NR3C2: variants seen among roughly 807,000 people sequenced by gnomAD.
NR3C2 encodes nuclear receptor subfamily 3 group C member 2, also known as mineralocorticoid receptor.
A neutral mutation model predicts 86.4 loss-of-function variants in NR3C2; 15 were observed. The observed-to-expected ratio is 0.17, with a 90% CI of 0.12 to 0.27. The LOEUF is 0.27. NR3C2 is among the 10% of genes least tolerant of loss of function. The pLI is 1.00. For missense variants in NR3C2, 960 were observed against 1,195.6 expected (o/e 0.80, Z 2.91); for synonymous variants, 458 against 450.5 (o/e 1.02, Z -0.21).
At chr4:148,425,719 A>G (rs1749496897) in intron 2 of NR3C2, among the ~76,000 whole-genome samples, 1 of 152,192 alleles carries the variant, frequency 6.6e-6, no homozygotes, top group Non-Finnish European at 1.5e-5. Context: ...GCTTTAAACT[A>G]TCAGCCACAT....
rs527997554 is a variant in NR3C2, at chr4:148,230,482, C to A, written c.1897+29496G>T. ...TAAGTGCTGGGATTACAGGCGTGAG[C>A]CACCACACGTGGCAAGAACCAAGAT... On this transcript the variant is annotated intron_variant, in intron 3 of 8. Coordinates refer to ENST00000358102, the MANE Select transcript of NR3C2 (RefSeq NM_000901.5). Among the ~76,000 whole-genome samples the A allele has an allele frequency of 3.9e-5, 6 of 152,202 alleles. No homozygotes were observed. The East Asian group carries it at 1.2e-3, about 29-fold the overall frequency.
intron 3 of NR3C2, among the ~76,000 whole-genome samples, chr4:148,242,044 A>G (rs1404103122): frequency 6.6e-6 from 1 of 152,080 alleles, no homozygotes; most frequent in Non-Finnish European, 1.5e-5. Flanking sequence ...GGCTGGGGGG[A>G]AGAGGAATTA....
intron 2 of NR3C2, among the ~76,000 whole-genome samples, chr4:148,336,861 G>T (rs115790482): frequency 0.015 from 2,301 of 152,082 alleles, 53 homozygotes; most frequent in African/African-American, 0.053. Flanking sequence ...GCATGATCAC[G>T]GCTCACTGTA....
chr4:148,100,015 G>T (rs933313358), intron 8 of NR3C2, among the ~76,000 whole-genome samples: 3 of 152,184 alleles, frequency 2.0e-5, no homozygotes, highest in African/African-American at 7.2e-5. Flanking sequence ...TGTTCTTACA[G>T]AAAATTACTT....
At chr4:148,335,986 G>T (rs1164919601) in intron 2 of NR3C2, among the ~76,000 whole-genome samples, 1 of 152,150 alleles carries the variant, frequency 6.6e-6, no homozygotes, top group East Asian at 1.9e-4. Context: ...AATAACGTAT[G>T]AAGTTATTGA....
chr4:148,294,680 A>T lies in NR3C2; in HGVS notation c.1758-34563T>A, dbSNP rs996494908. Reference sequence around the variant, plus strand: ...CCTTCTAAAAGTCCTCATTGATATAAAAAAAAAAAGCATGGGCCAGGTGCA... The same window carrying T: ...CCTTCTAAAAGTCCTCATTGATATATAAAAAAAAAGCATGGGCCAGGTGCA... On this transcript the variant is annotated intron_variant, in intron 2 of 8. Coordinates refer to ENST00000358102, the MANE Select transcript of NR3C2 (RefSeq NM_000901.5). Among the ~76,000 whole-genome samples, 21 of 7,670 alleles carry T rather than the reference A, an allele frequency of 2.7e-3. No homozygotes were observed. In the East Asian group the frequency reaches 0.076, roughly 28 times the overall value. 5.0% of individuals were successfully genotyped at this position (7,670 alleles called of 152,430 possible). A position where few individuals can be genotyped will look rare whatever the true frequency, so the allele number is the denominator to read the frequency against.
At chr4:148,316,413 TACTTTCCGAGAAGCCACA>T (rs917376889) in intron 2 of NR3C2, among the ~76,000 whole-genome samples, 2 of 152,178 alleles carry the variant, frequency 1.3e-5, no homozygotes, top group African/African-American at 2.4e-5. Context: ...TTAGATTATT[TACTTTCCGAGAAGCCACA>T]ACCCAGGTAA....
rs1254543237 is a variant in NR3C2 at position 148,139,307 on chromosome 4, CT to C, written c.2510+13161del. 2.0e-5 allele frequency among the ~76,000 whole-genome samples: 3 copies of C among 152,252 alleles called. No individual in the cohort carries two copies. The East Asian group carries it at 5.8e-4, about 29-fold the overall frequency. ...GTTCAAAACTTTGGGCTTTGGTTTC[CT>C]CATCTTTAAAAGCAGGATCATAAAT... is the stretch of plus-strand genomic sequence containing the variant. On this transcript the variant is annotated intron_variant, in intron 6 of 8. Coordinates refer to ENST00000358102, the MANE Select transcript of NR3C2 (RefSeq NM_000901.5).
intron 2 of NR3C2, among the ~76,000 whole-genome samples, chr4:148,341,560 T>A (rs987992363): frequency 2.6e-5 from 4 of 152,086 alleles, no homozygotes; most frequent in Non-Finnish European, 5.9e-5. Flanking sequence ...GCAACTATAA[T>A]AAATATAATT....
intron 2 of NR3C2, among the ~76,000 whole-genome samples, chr4:148,386,916 A>G (rs1174565364): frequency 6.6e-6 from 1 of 152,170 alleles, no homozygotes; most frequent in East Asian, 1.9e-4. Context: ...TCTGGCACAC[A>G]GGCACTGTGG....
At chr4:148,215,409 C>T (rs1417453602) in intron 3 of NR3C2, among the ~76,000 whole-genome samples, 1 of 152,210 alleles carries the variant, frequency 6.6e-6, no homozygotes, top group Non-Finnish European at 1.5e-5. Context: ...GGCAAGCTAA[C>T]AGAAGCTGAT....
chr4:148,319,374 C>A (rs1037190835), intron 2 of NR3C2, among the ~76,000 whole-genome samples: 3 of 152,106 alleles, frequency 2.0e-5, no homozygotes, highest in Non-Finnish European at 2.9e-5. Context: ...TTTTCTGGTT[C>A]CATATGAACT....
At chr4:148,368,806 G>A (rs533049088) in intron 2 of NR3C2, among the ~76,000 whole-genome samples, 7 of 152,214 alleles carry the variant, frequency 4.6e-5, no homozygotes, top group East Asian at 3.9e-4. Context: ...CCCAGAAAGC[G>A]GTTAATCTCA....
At chr4:148,292,252 A>C (rs1741831802) in intron 2 of NR3C2, among the ~76,000 whole-genome samples, 1 of 152,008 alleles carries the variant, frequency 6.6e-6, no homozygotes, top group East Asian at 1.9e-4. Context: ...CAGAGAGATA[A>C]ATCACTTTAT....
chr4:148,201,677 C>T (rs1736725940), intron 3 of NR3C2, among the ~76,000 whole-genome samples: 1 of 152,174 alleles, frequency 6.6e-6, no homozygotes, highest in South Asian at 2.1e-4. Flanking sequence ...TGGGTGGTGG[C>T]AGGACTTCTG....
At chr4:148,368,528 T>A (rs1353255204) in intron 2 of NR3C2, 1 of 152,180 alleles carries the variant, frequency 6.6e-6, no homozygotes, top group African/African-American at 2.4e-5. Context: ...ATATTTTTAT[T>A]AATAAAATGA....
chr4:148,082,886 A>AG (rs1433726647), intron 8 of NR3C2, among the ~76,000 whole-genome samples: 1 of 152,072 alleles, frequency 6.6e-6, no homozygotes, highest in East Asian at 1.9e-4. Flanking sequence ...TGGTGGGGGA[A>AG]GGGGGGAGGA....
At position 148,362,443 on chromosome 4, in the gene NR3C2, T is replaced by A. The variant is rs528043059; in HGVS notation, c.1757+72661A>T. ...CCTCATGAATAAGTACAATTATTTG[T>A]CAATTTAAAAACTTTAAAACTTTAA... On this transcript the variant is annotated intron_variant, in intron 2 of 8. Coordinates refer to ENST00000358102, the MANE Select transcript of NR3C2 (RefSeq NM_000901.5). Among the ~76,000 whole-genome samples, 17 of 152,310 alleles carry A rather than the reference T, an allele frequency of 1.1e-4. No homozygotes were observed. In the East Asian group the frequency reaches 2.7e-3, roughly 24 times the overall value.
intron 2 of NR3C2, among the ~76,000 whole-genome samples, chr4:148,367,568 G>C (rs1746210942): frequency 6.6e-6 from 1 of 152,122 alleles, no homozygotes; most frequent in Admixed American, 6.5e-5. Context: ...ATTTAAGACA[G>C]GCTGCTGGAT....
Sources: gnomAD v4.1 joint callset for allele counts (sites outside exome capture counted in the v4.1 genomes callset) on GRCh38, gnomAD v4.1.1 for gene constraint, MANE v1.5 for transcripts, NCBI Gene and HGNC (gene_info 2026-07-23, HGNC 2026-07-21) for gene names.